Variants in MPO observed in about 807,000 individuals in gnomAD.
The protein encoded by MPO is myeloperoxidase.
In MPO, 57 loss-of-function variants were observed where a neutral mutation model predicts 69.4. That is an observed-to-expected ratio of 0.82 (90% confidence interval 0.66 to 1.02). The LOEUF (loss-of-function observed/expected upper bound fraction) is 1.02. MPO is among the 50% of genes least tolerant of loss of function. The probability of loss-of-function intolerance (pLI) is 0.00; values close to 1 mark genes in which losing one functional copy is unlikely to be tolerated. For missense variants in MPO, 971 were observed against 1,014.1 expected, an observed-to-expected ratio of 0.96 and a Z score of 0.58; for synonymous variants, 426 against 417.1, an observed-to-expected ratio of 1.02 and a Z score of -0.26.
Position 58,270,868 on chromosome 17 carries a change from A to G in MPO, c.2031-5T>C. On this transcript the variant is annotated splice_polypyrimidine_tract_variant and splice_region_variant and intron_variant, in intron 11 of 11. Transcript: ENST00000225275. This position sits in a 1 kb window ranked among gnomAD's most constrained non-coding sequence, Gnocchi z 4.1. The stretch of plus-strand genomic sequence containing the variant: ...CCCTCGTTCTCCCACCAAAACCTGC[A>G]TGGGGAACACCCATGGACACTGTGC... 1 of 1,612,918 alleles carries G rather than the reference A, an allele frequency of 6.2e-7. No homozygotes were observed. The highest frequency in any genetic ancestry group is 8.5e-7 in the Non-Finnish European group (1 of 1,179,998).
chr17:58,274,357 TG>T lies in MPO; in HGVS notation c.1366-689del, dbSNP rs1970409071. 3.0e-5 allele frequency: 11 copies of T among 361,048 alleles called. No homozygotes were observed. The Admixed American group carries it at 3.4e-4, about 11-fold the overall frequency. 22.4% of individuals were successfully genotyped at this position (361,048 alleles called of 1,614,324 possible). A position where few individuals can be genotyped will look rare whatever the true frequency, so the allele number is the denominator to read the frequency against. On this transcript the variant is annotated intron_variant, in intron 8 of 11. Coordinates refer to ENST00000225275, the MANE Select transcript of MPO (RefSeq NM_000250.2). ...CCTCCAGAATCTAGGAGTGTGTGTG[TG>T]TGTGTGTGTGTGTGTGTGTGTGTGT...
In MPO at chr17:58,279,181, G is replaced by C; in HGVS notation, c.712C>G (p.Pro238Ala). ...TGGTCCGGAGTCAGCTGATCAGTGG[G>C]GAAGCGCACGATCTCGTTGGAGACC... is the stretch of plus-strand genomic sequence containing the variant. ...RAVSNEIVRF[P>A]TDQLTPDQER... The change falls in exon 6 of 12, where the codon CCC becomes GCC. Residue 238 changes from proline to alanine, a missense_variant. Pro to Ala is a conservative substitution (Grantham distance 27, BLOSUM62 -1). Coordinates refer to ENST00000225275, the MANE Select transcript of MPO (RefSeq NM_000250.2). 2 of 1,610,442 alleles carry C rather than the reference G, an allele frequency of 1.2e-6. No homozygotes were observed. The highest frequency in any genetic ancestry group is 1.3e-5 in the African/African-American group (1 of 75,038).
intron 9 of MPO, among the ~76,000 whole-genome samples, 161 bp downstream of exon 9, chr17:58,273,253 T>C (rs528639636): frequency 1.1e-4 from 17 of 152,174 alleles, no homozygotes; most frequent in Admixed American, 3.3e-4. Flanking sequence ...TATTATCAGA[T>C]ATGGAAGCAG....
intron 9 of MPO, 151 bp downstream of exon 9, chr17:58,273,263 G>T (rs1345339574): frequency 6.4e-6 from 8 of 1,256,410 alleles, no homozygotes; most frequent in Non-Finnish European, 9.1e-6. Context: ...TATGGAAGCA[G>T]AGTCAGAGGA....
intron 11 of MPO, among the ~76,000 whole-genome samples, chr17:58,271,324 G>A (rs929604121): frequency 6.6e-6 from 1 of 152,156 alleles, no homozygotes; most frequent in African/African-American, 2.4e-5. Flanking sequence ...TGACACTAAG[G>A]GGAGCTGTGG....
Position 58,270,656 on chromosome 17 carries a change from C to A in MPO, c.2238G>T (p.Ter746TyrextTer9). 1 of 1,608,498 alleles carries A rather than the reference C, an allele frequency of 6.2e-7. No homozygotes were observed. Among genetic ancestry groups the A allele is most frequent in the Non-Finnish European group, 8.5e-7 (1 of 1,177,296 alleles). The change falls in exon 12 of 12, where the codon TAG becomes TAT. Residue 746 changes from the stop codon to tyrosine, a stop_lost. Transcript: ENST00000225275. The surrounding 1 kb of genome is among the most constrained non-coding windows in gnomAD (Gnocchi z 4.1). ...ACTGCTGCACCCCCTTACCTGGCCT[C>A]TAGGAGGCTTCCCTCCAGGAAGCCA... ...LNLASWREAS[*>Y]
At chr17:58,280,290 G>T in intron 2 of MPO, 76 bp downstream of exon 2, 1 of 1,477,066 alleles carries the variant, frequency 6.8e-7, no homozygotes, top group Non-Finnish European at 9.4e-7. Flanking sequence ...CCACCTTCAA[G>T]CTCCCTGCTG....
Position 58,271,727 on chromosome 17 carries a change from C to T in MPO, c.1958G>A (p.Arg653His), listed in dbSNP as rs756268177. ...WMGGVSEPLK[R>H]KGRVGPLLAC... ...GAGGAGTGGGCCCACGCGGCCTTTG[C>T]GCTTCAGAGGCTCGGACACGCCGCC... The change falls in exon 11 of 12, where the codon CGC becomes CAC. Residue 653 changes from arginine to histidine, a missense_variant. Physicochemically the swap from Arg to His is conservative, Grantham distance 29 (BLOSUM62 0). Coordinates refer to ENST00000225275, the MANE Select transcript of MPO (RefSeq NM_000250.2). 12 of 1,613,934 alleles carry T rather than the reference C, an allele frequency of 7.4e-6. No homozygotes were observed. The highest frequency in any genetic ancestry group is 6.7e-5 in the Admixed American group (4 of 60,010).
chr17:58,280,344 T>G (rs758074935), intron 2 of MPO, 22 bp downstream of exon 2: 4 of 1,611,608 alleles, frequency 2.5e-6, no homozygotes, highest in Non-Finnish European at 3.4e-6. Flanking sequence ...TGCCCAGAGC[T>G]GGGCAGTGCC....
intron 11 of MPO, 150 bp downstream of exon 11, chr17:58,271,505 A>G (rs1970363796): frequency 1.0e-5 from 8 of 792,160 alleles, no homozygotes. Context: ...CATTAGGGGC[A>G]CTCCAGGGCA....
rs2143978062 is a variant in MPO at position 58,278,075 on chromosome 17, C to A, written c.956G>T (p.Cys319Phe). The change falls in exon 7 of 12, where the codon TGC (cysteine) becomes TTC (phenylalanine). Residue 319 changes from cysteine (C) to phenylalanine (F), a missense_variant. Coordinates refer to ENST00000225275, the MANE Select transcript of MPO (RefSeq NM_000250.2). The part of the protein sequence containing the change: ...CIPFFRSCPA[C>F]PGSNITIRNQ... ...GCGGATGGTGATGTTGCTCCCGGGG[C>A]AAGCCGGGCAGGAGCGGAAGAACGG... 6.2e-7 allele frequency: 1 copy of A among 1,611,474 alleles called. No individual in the cohort carries two copies. Among genetic ancestry groups the A allele is most frequent in the Non-Finnish European group, 8.5e-7 (1 of 1,180,010 alleles).
At chr17:58,274,099 C>T (rs1970403759) in intron 8 of MPO, 1 of 453,498 alleles carries the variant, frequency 2.2e-6, no homozygotes. Flanking sequence ...TGAAATTCTT[C>T]ACAGTGCCCA....
At chr17:58,276,726 C>T (rs533385282) in intron 7 of MPO, among the ~76,000 whole-genome samples, 58 of 152,164 alleles carry the variant, frequency 3.8e-4, no homozygotes, top group Non-Finnish European at 7.2e-4. Context: ...GGGTCCCAGC[C>T]AGGGAGAGAC....
chr17:58,270,570 G>A lies in MPO; in HGVS notation c.*86C>T, dbSNP rs1388103507. On this transcript the variant is annotated 3_prime_UTR_variant, in exon 12 of 12. Coordinates refer to ENST00000225275, the MANE Select transcript of MPO (RefSeq NM_000250.2). The surrounding 1 kb of genome is among the most constrained non-coding windows in gnomAD (Gnocchi z 4.1). ...TCTCAGCTGCACCCAGAACAGGGCTGGGCTCATCTAGGGCAAGGAGATCTC... is the reference window on the plus strand; with the variant it reads ...TCTCAGCTGCACCCAGAACAGGGCTAGGCTCATCTAGGGCAAGGAGATCTC... 2 of 1,087,114 alleles carry A rather than the reference G, an allele frequency of 1.8e-6. No individual in the cohort carries two copies. Among genetic ancestry groups the A allele is most frequent in the Non-Finnish European group, 2.8e-6 (2 of 724,478 alleles). The allele number at this position is 1,087,114 out of a possible 1,614,324, so 67.3% of individuals were successfully genotyped here.
rs1970423963 is a variant in MPO, at chr17:58,275,424, GCCT to G, written c.1365+115_1365+117del. ...TCATATATGTATTATAATCCTTACAGCCTCATGGATGAAGAAGGCAAGGCTCAG... is the reference window on the plus strand; with the variant it reads ...TCATATATGTATTATAATCCTTACAGCATGGATGAAGAAGGCAAGGCTCAG... On this transcript the variant is annotated intron_variant, in intron 8 of 11. Coordinates refer to ENST00000225275, the MANE Select transcript of MPO (RefSeq NM_000250.2). The surrounding 1 kb of genome is among the most constrained non-coding windows in gnomAD (Gnocchi z 4.1). The G allele has an allele frequency of 7.8e-7, 1 of 1,287,890 alleles. No individual in the cohort carries two copies. Among genetic ancestry groups the G allele is most frequent in the South Asian group, 1.2e-5 (1 of 82,014 alleles). The allele number at this position is 1,287,890 out of a possible 1,614,324, so 79.8% of individuals were successfully genotyped here. A position where few individuals can be genotyped will look rare whatever the true frequency, so the allele number is the denominator to read the frequency against.
rs1319668275 is a variant in MPO at position 58,277,905 on chromosome 17, G to C, written c.1126C>G (p.Leu376Val). ...TCGTGCAGGTTGTCAAAGGGCAGCA[G>C]GGCCCGGCCGTTGTCTTGGAAGCGC... ...NQRFQDNGRA[L>V]LPFDNLHDDP... The change falls in exon 7 of 12, where the codon CTG becomes GTG. Residue 376 changes from leucine (L) to valine (V), a missense_variant. Coordinates refer to ENST00000225275, the MANE Select transcript of MPO (RefSeq NM_000250.2). The C allele has an allele frequency of 1.9e-6, 3 of 1,611,602 alleles. No individual in the cohort carries two copies. In the African/African-American group the frequency reaches 4.0e-5, roughly 22 times the overall value.
At position 58,270,227 on chromosome 17, in the gene MPO, C is replaced by T. The variant is rs967607102; in HGVS notation, c.*429G>A. ...GGATACAAGTGGGCCCTCCAAGAAA[C>T]CATGACAGATGTAATTTACAAGGAA... On this transcript the variant is annotated 3_prime_UTR_variant, in exon 12 of 12. Transcript: ENST00000225275. The surrounding 1 kb of genome is among the most constrained non-coding windows in gnomAD (Gnocchi z 4.1). 2.2e-5 allele frequency: 7 copies of T among 312,604 alleles called. No homozygotes were observed. Among genetic ancestry groups the T allele is most frequent in the African/African-American group, 1.5e-4 (7 of 46,182 alleles). 19.4% of individuals were successfully genotyped at this position (312,604 alleles called of 1,614,324 possible). A position where few individuals can be genotyped will look rare whatever the true frequency, so the allele number is the denominator to read the frequency against.
chr17:58,278,821 C>G (rs1970472978), intron 6 of MPO, 187 bp downstream of exon 6: 2 of 728,984 alleles, frequency 2.7e-6, no homozygotes, highest in Non-Finnish European at 2.3e-6. Flanking sequence ...TGGCTGCCAG[C>G]TGGCTGAGCC....
In MPO at chr17:58,279,976, A is replaced by G. The variant is rs1970494863; in HGVS notation, c.287T>C (p.Met96Thr). ...CTGCTTGAAGTAGGATAGGAGTTCC[A>G]TGGGGCTGGCTGAGCCGCTGCGAAG... is the stretch of plus-strand genomic sequence containing the variant. ...QRLRSGSASP[M>T]ELLSYFKQPV... Residue 96 changes from methionine (M) to threonine (T), a missense_variant, in exon 3 of 12, where the codon ATG (methionine) becomes ACG (threonine). By Grantham distance (81) the Met-to-Thr change is moderately conservative. Transcript: ENST00000225275. 1.2e-6 allele frequency: 2 copies of G among 1,613,534 alleles called. No homozygotes were observed. Among genetic ancestry groups the G allele is most frequent in the Non-Finnish European group, 1.7e-6 (2 of 1,180,028 alleles).
Sources: allele counts gnomAD v4.1 joint callset (sites outside exome capture counted in the v4.1 genomes callset), GRCh38; gene constraint gnomAD v4.1.1; non-coding constraint Gnocchi (gnomAD v3.1); transcripts MANE v1.5; gene names NCBI Gene and HGNC (gene_info 2026-07-23, HGNC 2026-07-21).